The following ZNF385B variants were observed in gnomAD, a reference collection of about 807,000 sequenced individuals.
ZNF385B encodes zinc finger protein 533.
ZNF385B carries 23 observed loss-of-function variants against 39.2 expected under a neutral mutation model. The observed-to-expected ratio is 0.59, with a 90% confidence interval of 0.42 to 0.83. The LOEUF is 0.83. Ranked by LOEUF, ZNF385B falls within the 40% of genes least tolerant of loss-of-function variation. ZNF385B has a pLI of 0.00. For synonymous variants in ZNF385B, 205 were observed against 222.6 expected, an observed-to-expected ratio of 0.92 and a Z score of 0.70; for missense variants, 552 against 598.9, an observed-to-expected ratio of 0.92 and a Z score of 0.82.
At chr2:179,736,797 C>T (rs1348374063) in intron 3 of ZNF385B, among the ~76,000 whole-genome samples, 3 of 151,976 alleles carry the variant, frequency 2.0e-5, no homozygotes, top group African/African-American at 7.3e-5. Context: ...TGGTGAAACC[C>T]CATCTCTACT....
At chr2:179,737,604 A>C (rs1701842670) in intron 3 of ZNF385B, among the ~76,000 whole-genome samples, 1 of 152,240 alleles carries the variant, frequency 6.6e-6, no homozygotes, top group Non-Finnish European at 1.5e-5. Context: ...AGCTGAATTT[A>C]TTGAGTACTT....
chr2:179,728,753 A>C (rs1394561156), intron 3 of ZNF385B, among the ~76,000 whole-genome samples: 1 of 152,110 alleles, frequency 6.6e-6, no homozygotes, highest in Non-Finnish European at 1.5e-5. Context: ...ACAGGAAGAA[A>C]ACAACACTGA....
intron 3 of ZNF385B, among the ~76,000 whole-genome samples, chr2:179,743,367 A>C (rs1176907130): frequency 1.3e-5 from 2 of 152,102 alleles, no homozygotes; most frequent in Admixed American, 1.3e-4. Flanking sequence ...TTGTTTTCTA[A>C]TTATAATGGC....
chr2:179,814,618 T>G (rs1412525754), intron 1 of ZNF385B: 3 of 546,266 alleles, frequency 5.5e-6, no homozygotes, highest in Non-Finnish European at 1.0e-5. Context: ...TGTAGGGCCC[T>G]CAATGGTGGC....
intron 1 of ZNF385B, among the ~76,000 whole-genome samples, chr2:179,858,496 A>G (rs961391955): frequency 6.6e-6 from 1 of 152,194 alleles, no homozygotes; most frequent in African/African-American, 2.4e-5. Flanking sequence ...GTAACATACA[A>G]AAGAGCAAAA....
At chr2:179,767,530 G>A (rs1473018708) in intron 3 of ZNF385B, among the ~76,000 whole-genome samples, 2 of 152,192 alleles carry the variant, frequency 1.3e-5, no homozygotes, top group Non-Finnish European at 2.9e-5. Context: ...ACACAAAAGT[G>A]AGAAGTTATG....
chr2:179,542,186 G>A (rs1439572676), intron 4 of ZNF385B, among the ~76,000 whole-genome samples: 2 of 152,136 alleles, frequency 1.3e-5, no homozygotes, highest in Admixed American at 1.3e-4. Flanking sequence ...ATGTCTGTAG[G>A]AAAAGAATTA....
intron 3 of ZNF385B, among the ~76,000 whole-genome samples, chr2:179,557,731 C>A (rs1345922225): frequency 6.6e-6 from 1 of 150,724 alleles, no homozygotes; most frequent in Non-Finnish European, 1.5e-5. Context: ...AGTATATATA[C>A]ATATTTTAGA....
chr2:179,803,818 A>G (rs1230725039), intron 1 of ZNF385B, among the ~76,000 whole-genome samples: 1 of 152,208 alleles, frequency 6.6e-6, no homozygotes, highest in East Asian at 1.9e-4. Context: ...TAAGAACTAA[A>G]TATCCAACTT....
chr2:179,491,978 G>A (rs1388083727), intron 5 of ZNF385B, among the ~76,000 whole-genome samples: 1 of 152,154 alleles, frequency 6.6e-6, no homozygotes, highest in Non-Finnish European at 1.5e-5. Context: ...TGAGATTCAG[G>A]TGTGCAACAC....
At chr2:179,552,633 C>T (rs1453270078) in intron 3 of ZNF385B, among the ~76,000 whole-genome samples, 2 of 148,866 alleles carry the variant, frequency 1.3e-5, no homozygotes, top group East Asian at 3.9e-4. Context: ...AGGATAATTG[C>T]CATCACCGCA....
intron 3 of ZNF385B, chr2:179,745,916 T>C (rs1702355892): frequency 8.0e-7 from 1 of 1,247,258 alleles, no homozygotes; most frequent in East Asian, 3.1e-5. Flanking sequence ...CTTATTGCAC[T>C]GCTCATTGAA....
At chr2:179,524,451 C>T (rs757453714) in intron 4 of ZNF385B, among the ~76,000 whole-genome samples, 1 of 146,586 alleles carries the variant, frequency 6.8e-6, no homozygotes, top group African/African-American at 2.5e-5. Context: ...ACTCGGGAGG[C>T]TGAGGCAGGA....
At chr2:179,493,612 C>CATATATGCGTATACATATATGTAT (rs1491354274) in intron 5 of ZNF385B, among the ~76,000 whole-genome samples, 1 of 113,370 alleles carries the variant, frequency 8.8e-6, no homozygotes, top group Non-Finnish European at 1.9e-5. Flanking sequence ...CATATATGTA[C>CATATATGCGTATACATATATGTAT]GTACATATAT....
chr2:179,442,499 GCTTT>G lies in ZNF385B; in HGVS notation c.*747_*750del, dbSNP rs1466025937. ...GTAGTAATTATAGCTATGTTATATG[GCTTT>G]CTATTTCATTTAAATATCTCCAAAT... On this transcript the variant is annotated 3_prime_UTR_variant, in exon 10 of 10. Transcript: ENST00000410066. 6.6e-6 allele frequency: 1 copy of G among 152,574 alleles called. No homozygotes were observed. The highest frequency in any genetic ancestry group is 1.5e-5 in the Non-Finnish European group (1 of 68,014). The allele number at this position is 152,574 out of a possible 1,614,324, so 9.5% of individuals were successfully genotyped here. A position where few individuals can be genotyped will look rare whatever the true frequency, so the allele number is the denominator to read the frequency against.
At chr2:179,603,863 C>G (rs948943427) in intron 3 of ZNF385B, among the ~76,000 whole-genome samples, 6 of 152,096 alleles carry the variant, frequency 3.9e-5, no homozygotes, top group Admixed American at 3.3e-4. Context: ...AGGAATGCAT[C>G]AAATAAAATT....
chr2:179,606,210 A>G (rs1688789013), intron 3 of ZNF385B, among the ~76,000 whole-genome samples: 1 of 152,170 alleles, frequency 6.6e-6, no homozygotes, highest in African/African-American at 2.4e-5. Flanking sequence ...CTAGTTGTGC[A>G]GTATGTAGGT....
At chr2:179,649,524 C>T (rs770781465) in intron 3 of ZNF385B, among the ~76,000 whole-genome samples, 23 of 151,866 alleles carry the variant, frequency 1.5e-4, no homozygotes, top group Non-Finnish European at 2.9e-4. Context: ...ATTTTGAGAT[C>T]GTTTCAAAAT....
chr2:179,582,580 G>C (rs1686654786), intron 3 of ZNF385B, among the ~76,000 whole-genome samples: 1 of 151,956 alleles, frequency 6.6e-6, no homozygotes, highest in Admixed American at 6.5e-5. Context: ...AGACATCAAG[G>C]AACAAGTTAG....
Sources: allele counts gnomAD v4.1 joint callset (sites outside exome capture counted in the v4.1 genomes callset), GRCh38; gene constraint gnomAD v4.1.1; transcripts MANE v1.5; gene names NCBI Gene and HGNC (gene_info 2026-07-23, HGNC 2026-07-21).